The following ZBTB8B variants were observed in gnomAD, a reference collection of about 807,000 sequenced individuals.
The protein encoded by ZBTB8B is zinc finger and BTB domain containing 8B.
In ZBTB8B, 17 loss-of-function variants were observed where a neutral mutation model predicts 30.3. The ratio of observed to expected loss-of-function variants is 0.56; its 90% CI spans 0.38 to 0.84. The LOEUF (loss-of-function observed/expected upper bound fraction) is 0.84, where lower values mean the gene tolerates loss of function less well. ZBTB8B is among the 40% of genes least tolerant of loss of function. ZBTB8B has a pLI of 0.00. For missense variants in ZBTB8B, 515 were observed against 644.9 expected (o/e 0.80, Z 2.18); for synonymous variants, 248 against 255.6 (o/e 0.97, Z 0.28).
chr1:32,470,359 G>A (rs1453341046), intron 1 of ZBTB8B, among the ~76,000 whole-genome samples: 1 of 151,878 alleles, frequency 6.6e-6, no homozygotes, highest in African/African-American at 2.4e-5. Context: ...AATTTGCCGG[G>A]CGTGGTGGCA....
At chr1:32,483,242 TCCAA>T (rs1363050432) in intron 3 of ZBTB8B, among the ~76,000 whole-genome samples, 485 of 33,054 alleles carry the variant, frequency 0.015, 41 homozygotes, top group African/African-American at 0.06. Context: ...CTACTAAAAA[TCCAA>T]AAAAAAAAAA....
At chr1:32,468,064 C>A (rs548909214) in intron 1 of ZBTB8B, among the ~76,000 whole-genome samples, 1 of 151,354 alleles carries the variant, frequency 6.6e-6, no homozygotes, top group Admixed American at 6.6e-5. Flanking sequence ...CAGAGTGGGC[C>A]GAGATCACAC....
intron 3 of ZBTB8B, among the ~76,000 whole-genome samples, chr1:32,481,685 TA>T (rs1478379571): frequency 6.6e-6 from 1 of 152,184 alleles, no homozygotes; most frequent in African/African-American, 2.4e-5. Flanking sequence ...GTTACATGGG[TA>T]AACTCATGTC....
rs544418808 is a variant in ZBTB8B, at chr1:32,473,975, C to T, written c.991+2360C>T. 5.3e-5 allele frequency among the ~76,000 whole-genome samples: 8 copies of T among 152,042 alleles called. No individual in the cohort carries two copies. The South Asian group carries it at 1.5e-3, about 28-fold the overall frequency. On this transcript the variant is annotated intron_variant, in intron 2 of 3. Transcript: ENST00000609129. ...AAGCGAGTCTCCTGCCTCAGCCTCC[C>T]GAGTAGCTGGGATTACAGGCACGTG...
At chr1:32,467,850 C>T (rs1643583563) in intron 1 of ZBTB8B, among the ~76,000 whole-genome samples, 1 of 151,756 alleles carries the variant, frequency 6.6e-6, no homozygotes, top group African/African-American at 2.4e-5. Context: ...TGGTGTCTCA[C>T]ACCTGTAACC....
At position 32,471,044 on chromosome 1, in the gene ZBTB8B, G is replaced by T; in HGVS notation, c.420G>T (p.Ala140=). The change falls in exon 2 of 4, where the codon GCG becomes GCT. Residue 140 remains alanine, a synonymous_variant. Transcript: ENST00000609129. ...CTGCTGTGGCTGCAGCAGTGGCGGC[G>T]GCAGCGGCGGCGGCTGCAGCGGCGG... ...KEAAVAAAVA[A]AAAAAAAAAA... is the part of the protein sequence containing the mutation. 1.3e-6 allele frequency: 2 copies of T among 1,550,022 alleles called. No individual in the cohort carries two copies. The highest frequency in any genetic ancestry group is 2.4e-5 in the South Asian group (2 of 84,030).
chr1:32,483,123 G>A (rs1643718676), intron 3 of ZBTB8B, among the ~76,000 whole-genome samples: 1 of 151,678 alleles, frequency 6.6e-6, no homozygotes, highest in African/African-American at 2.4e-5. Flanking sequence ...CAGCACGGTG[G>A]CTCACACCTG....
chr1:32,482,283 G>A (rs1643711305), intron 3 of ZBTB8B, among the ~76,000 whole-genome samples: 1 of 152,084 alleles, frequency 6.6e-6, no homozygotes, highest in East Asian at 1.9e-4. Flanking sequence ...ATAGGCATGA[G>A]CCACCATGTG....
chr1:32,480,628 G>C (rs1643696900), intron 2 of ZBTB8B, among the ~76,000 whole-genome samples: 2 of 152,344 alleles, frequency 1.3e-5, no homozygotes, highest in Middle Eastern at 6.8e-3. Flanking sequence ...GTTTCTGTCA[G>C]TCACACAGAA....
intron 3 of ZBTB8B, among the ~76,000 whole-genome samples, chr1:32,483,558 TG>T (rs1025884123): frequency 6.6e-6 from 1 of 151,708 alleles, no homozygotes; most frequent in Admixed American, 6.6e-5. Context: ...GGTGGGGGGA[TG>T]GGGGAAGGAC....
At chr1:32,472,564 C>T (rs569177366) in intron 2 of ZBTB8B, among the ~76,000 whole-genome samples, 37 of 152,272 alleles carry the variant, frequency 2.4e-4, no homozygotes, top group South Asian at 8.3e-4. Context: ...AGACTAGGCA[C>T]CCAGCCTGGC....
In ZBTB8B at chr1:32,492,198, T is replaced by C. The variant is rs1643783800; in HGVS notation, c.*6780T>C. The C allele has an allele frequency of 6.6e-6, 1 of 152,260 alleles. No individual in the cohort carries two copies. Among genetic ancestry groups the C allele is most frequent in the South Asian group, 2.1e-4 (1 of 4,818 alleles). The allele number at this position is 152,260 out of a possible 1,614,324, so 9.4% of individuals were successfully genotyped here. A position where few individuals can be genotyped will look rare whatever the true frequency, so the allele number is the denominator to read the frequency against. ...TATAGTATGTCGTACTGTAGGGACA[T>C]TATTGAATGGACATGTCTGAGTATT... On this transcript the variant is annotated 3_prime_UTR_variant, in exon 4 of 4. Coordinates refer to ENST00000609129, the MANE Select transcript of ZBTB8B (RefSeq NM_001145720.2).
At chr1:32,468,252 G>A (rs1168276976) in intron 1 of ZBTB8B, among the ~76,000 whole-genome samples, 1 of 152,184 alleles carries the variant, frequency 6.6e-6, no homozygotes, top group Admixed American at 6.5e-5. Flanking sequence ...CCATCAGCCT[G>A]AGCTGGGCTG....
At chr1:32,482,786 T>C (rs1403969195) in intron 3 of ZBTB8B, among the ~76,000 whole-genome samples, 2 of 150,278 alleles carry the variant, frequency 1.3e-5, no homozygotes, top group African/African-American at 4.9e-5. Flanking sequence ...TATAATGCAA[T>C]AGTAAAAGGA....
rs1425073733 is a variant in ZBTB8B, at chr1:32,483,252, A to C, written c.1171-1849A>C. On this transcript the variant is annotated intron_variant, in intron 3 of 3. Coordinates refer to ENST00000609129, the MANE Select transcript of ZBTB8B (RefSeq NM_001145720.2). ...CTTATCTACTAAAAATCCAAAAAAA[A>C]AAAAAAAAAAAAAAAAAAAAAAATT... Among the ~76,000 whole-genome samples the C allele has an allele frequency of 1.8e-3, 254 of 140,508 alleles. 1 individual carries two copies. The highest frequency in any genetic ancestry group is 3.4e-3 in the Non-Finnish European group (218 of 64,288). The allele number at this position is 140,508 out of a possible 152,430, so 92.2% of individuals were successfully genotyped here. A position where few individuals can be genotyped will look rare whatever the true frequency, so the allele number is the denominator to read the frequency against.
chr1:32,476,957 G>T (rs1266247416), intron 2 of ZBTB8B, among the ~76,000 whole-genome samples: 1 of 152,182 alleles, frequency 6.6e-6, no homozygotes, highest in Admixed American at 6.6e-5. Context: ...TTTGCTGAAT[G>T]AATGAATGAA....
rs1233885929 is a variant in ZBTB8B, at chr1:32,490,897, T to A, written c.*5479T>A. The A allele has an allele frequency of 6.6e-6, 1 of 152,186 alleles. No individual in the cohort carries two copies. Among genetic ancestry groups the A allele is most frequent in the Non-Finnish European group, 1.5e-5 (1 of 68,052 alleles). The allele number at this position is 152,186 out of a possible 1,614,324, so 9.4% of individuals were successfully genotyped here. On this transcript the variant is annotated 3_prime_UTR_variant, in exon 4 of 4. Coordinates refer to ENST00000609129, the MANE Select transcript of ZBTB8B (RefSeq NM_001145720.2). ...AGCCACCGCGCCCGGCCTAAATATA[T>A]CCTAGTTTTAAAAGGTGACAGTAAC...
rs546416275 is a variant in ZBTB8B, at chr1:32,471,379, C to T, written c.755C>T (p.Pro252Leu). 2.0e-5 allele frequency: 31 copies of T among 1,551,786 alleles called. No homozygotes were observed. In the East Asian group the frequency reaches 5.9e-4, roughly 29 times the overall value. Residue 252 changes from proline to leucine, a missense_variant, in exon 2 of 4, where the codon CCG becomes CTG. Pro to Leu is a moderately conservative substitution (Grantham distance 98). This residue lies in a region of ZBTB8B where 429 missense variants were observed against 504.3 expected (regional missense o/e 0.85). Coordinates refer to ENST00000609129, the MANE Select transcript of ZBTB8B (RefSeq NM_001145720.2). ...VGEQLQQYAA[P>L]LNLAHVEEAL... ...GAACAGCTGCAGCAGTATGCTGCCC[C>T]GCTGAACCTGGCCCACGTGGAGGAG...
rs1643616320 is a variant in ZBTB8B at position 32,471,118 on chromosome 1, G to A, written c.494G>A (p.Arg165Gln). ...QVDSESPSSGREGTSCGTKSL... is the reference protein window; with the variant it reads ...QVDSESPSSGQEGTSCGTKSL... Reference sequence around the variant, plus strand: ...GACAGTGAAAGCCCCAGTTCAGGCCGGGAGGGGACCTCCTGTGGTACCAAG... The same window carrying A: ...GACAGTGAAAGCCCCAGTTCAGGCCAGGAGGGGACCTCCTGTGGTACCAAG... The change falls in exon 2 of 4, where the codon CGG (arginine) becomes CAG (glutamine). Residue 165 changes from arginine to glutamine, a missense_variant. Physicochemically the swap from Arg to Gln is conservative, Grantham distance 43 (BLOSUM62 1). Transcript: ENST00000609129. 3.2e-6 allele frequency: 5 copies of A among 1,551,518 alleles called. No homozygotes were observed. Among genetic ancestry groups the A allele is most frequent in the Non-Finnish European group, 4.4e-6 (5 of 1,147,014 alleles).
Sources: gnomAD v4.1 joint callset for allele counts (sites outside exome capture counted in the v4.1 genomes callset) on GRCh38, gnomAD v4.1.1 for gene constraint, gnomAD v4.1.1 regional missense constraint, MANE v1.5 for transcripts, NCBI Gene and HGNC (gene_info 2026-07-23, HGNC 2026-07-21) for gene names.